Variants in STAG1 observed in about 807,000 individuals in gnomAD.
STAG1 encodes the protein cohesin subunit SA-1.
STAG1 carries 26 observed loss-of-function variants against 170.9 expected under a neutral mutation model. The ratio of observed to expected loss-of-function variants is 0.15; its 90% CI spans 0.11 to 0.21. STAG1 has a LOEUF of 0.21. STAG1 is among the 10% of genes least tolerant of loss of function. STAG1 has a pLI of 1.00. For synonymous variants in STAG1, 514 were observed against 497.7 expected, an observed-to-expected ratio of 1.03 and a Z score of -0.44; for missense variants, 964 against 1,509.5, an observed-to-expected ratio of 0.64 and a Z score of 5.99.
chr3:136,574,114 G>A (rs923840323), intron 4 of STAG1, among the ~76,000 whole-genome samples: 7 of 151,874 alleles, frequency 4.6e-5, no homozygotes, highest in South Asian at 2.1e-4. Context: ...GGTGGCACGC[G>A]CCTATAGTCC....
chr3:136,514,547 C>G (rs1414363037), intron 7 of STAG1, among the ~76,000 whole-genome samples: 1 of 152,122 alleles, frequency 6.6e-6, no homozygotes, highest in Non-Finnish European at 1.5e-5. Context: ...TTTGACCCAG[C>G]GATCCCATTA....
intron 7 of STAG1, among the ~76,000 whole-genome samples, chr3:136,518,598 C>T (rs1446494097): frequency 2.6e-5 from 4 of 152,082 alleles, no homozygotes; most frequent in Admixed American, 2.6e-4. Context: ...ACTGCTATGT[C>T]TCACATTTTA....
In STAG1 at chr3:136,722,664, CCCCTCT is replaced by C. The variant is rs749883265; in HGVS notation, c.-84+29525_-84+29530del. Among the ~76,000 whole-genome samples, 704 of 145,942 alleles carry C rather than the reference CCCCTCT, an allele frequency of 4.8e-3. 4 individuals carry two copies. The highest frequency in any genetic ancestry group is 6.7e-3 in the Non-Finnish European group (444 of 65,800). On this transcript the variant is annotated intron_variant, in intron 1 of 33. Transcript: ENST00000383202. ...CCCCTCCCTCTCCCCTCTCCCTTCT[CCCCTCT>C]CCCTCTCCCCCCTTTCCCTCTCCCC...
At chr3:136,631,579 A>G (rs1246199009) in intron 1 of STAG1, among the ~76,000 whole-genome samples, 2 of 152,182 alleles carry the variant, frequency 1.3e-5, no homozygotes, top group Non-Finnish European at 2.9e-5. Context: ...ACTTGTCAAT[A>G]TAGGTTGATC....
chr3:136,704,051 A>T (rs1943153927), intron 1 of STAG1, among the ~76,000 whole-genome samples: 1 of 129,990 alleles, frequency 7.7e-6, no homozygotes, highest in Non-Finnish European at 1.6e-5. Context: ...GGCATAAATG[A>T]TTTTTTTTTT....
chr3:136,744,019 C>A (rs937574131), intron 1 of STAG1, among the ~76,000 whole-genome samples: 3 of 152,224 alleles, frequency 2.0e-5, no homozygotes, highest in Admixed American at 6.5e-5. Context: ...TCTGTTCACA[C>A]ATCCTGGTAC....
intron 12 of STAG1, among the ~76,000 whole-genome samples, chr3:136,467,047 A>G (rs921770172): frequency 6.6e-6 from 1 of 152,228 alleles, no homozygotes; most frequent in Non-Finnish European, 1.5e-5. Flanking sequence ...CACTGCAAAA[A>G]CATGCCAAAT....
intron 1 of STAG1, among the ~76,000 whole-genome samples, chr3:136,635,487 C>T (rs1170832279): frequency 6.6e-6 from 1 of 152,164 alleles, no homozygotes; most frequent in South Asian, 2.1e-4. Flanking sequence ...TAAAGAGTAT[C>T]TCCAAACGCT....
intron 1 of STAG1, among the ~76,000 whole-genome samples, chr3:136,699,602 G>C (rs1942990663): frequency 6.6e-6 from 1 of 151,520 alleles, no homozygotes; most frequent in Admixed American, 6.6e-5. Flanking sequence ...TGGATTACCA[G>C]GGTGAGACAT....
intron 22 of STAG1, among the ~76,000 whole-genome samples, chr3:136,394,481 T>C (rs908228331): frequency 1.3e-5 from 2 of 152,188 alleles, no homozygotes. Flanking sequence ...TGCTGCAGCA[T>C]TCTTTCTGGC....
intron 1 of STAG1, among the ~76,000 whole-genome samples, chr3:136,647,109 A>C (rs1449543185): frequency 6.6e-6 from 1 of 152,178 alleles, no homozygotes; most frequent in East Asian, 1.9e-4. Flanking sequence ...AAAAAACTTA[A>C]ATCGTTAAAT....
intron 21 of STAG1, among the ~76,000 whole-genome samples, chr3:136,406,132 A>C (rs567268136): frequency 6.6e-6 from 1 of 152,350 alleles, no homozygotes; most frequent in South Asian, 2.1e-4. Flanking sequence ...AATACTGGAC[A>C]CAACTCAATG....
intron 22 of STAG1, among the ~76,000 whole-genome samples, chr3:136,392,033 C>T (rs541209515): frequency 6.6e-6 from 1 of 152,054 alleles, no homozygotes; most frequent in African/African-American, 2.4e-5. Flanking sequence ...TTATAACTAC[C>T]ATTCATAATC....
chr3:136,396,145 G>C (rs1046183735), intron 22 of STAG1, among the ~76,000 whole-genome samples: 1 of 150,588 alleles, frequency 6.6e-6, no homozygotes, highest in Non-Finnish European at 1.5e-5. Context: ...CAGGTGATCC[G>C]CCCACCTTGG....
chr3:136,563,758 T>C (rs963097960), intron 5 of STAG1, among the ~76,000 whole-genome samples: 2 of 151,906 alleles, frequency 1.3e-5, no homozygotes, highest in African/African-American at 2.4e-5. Context: ...CGGTGGCTCA[T>C]GCCTGTAATC....
chr3:136,688,069 G>T (rs890021446), intron 1 of STAG1, among the ~76,000 whole-genome samples: 1 of 152,082 alleles, frequency 6.6e-6, no homozygotes, highest in Non-Finnish European at 1.5e-5. Flanking sequence ...CCTGGTCCAA[G>T]CATCTTGGGA....
At chr3:136,363,152 G>T (rs1259079978) in intron 26 of STAG1, among the ~76,000 whole-genome samples, 2 of 151,920 alleles carry the variant, frequency 1.3e-5, no homozygotes, top group African/African-American at 4.8e-5. Flanking sequence ...CCTTAGGATT[G>T]CATCTATTTG....
chr3:136,675,684 A>ATATC (rs1228714179), intron 1 of STAG1, among the ~76,000 whole-genome samples: 3 of 152,152 alleles, frequency 2.0e-5, no homozygotes. Context: ...GAGACATCCC[A>ATATC]TATCCATTAA....
chr3:136,574,170 G>A (rs947772989), intron 4 of STAG1, among the ~76,000 whole-genome samples: 1 of 152,082 alleles, frequency 6.6e-6, no homozygotes. Context: ...GAACCCGGGA[G>A]GTGGAGGTTG....
Sources: allele counts gnomAD v4.1 joint callset (sites outside exome capture counted in the v4.1 genomes callset), GRCh38; gene constraint gnomAD v4.1.1; transcripts MANE v1.5; gene names NCBI Gene and HGNC (gene_info 2026-07-23, HGNC 2026-07-21).